The following MLH3 variants were observed in gnomAD, a reference collection of about 807,000 sequenced individuals.
The protein encoded by MLH3 is DNA mismatch repair protein Mlh3.
In MLH3, 82 loss-of-function variants were observed where a neutral mutation model predicts 122.2. That is an observed-to-expected ratio of 0.67 (90% CI 0.56 to 0.81). The LOEUF (loss-of-function observed/expected upper bound fraction) is 0.81, where lower values mean the gene tolerates loss of function less well. MLH3 is among the 30% of genes least tolerant of loss of function. The pLI, the probability that MLH3 is intolerant of heterozygous loss-of-function variation, is 0.00. For synonymous variants in MLH3, 524 were observed against 599.5 expected, an observed-to-expected ratio of 0.87 and a Z score of 1.84; for missense variants, 1,539 against 1,714.5, an observed-to-expected ratio of 0.90 and a Z score of 1.81.
Position 75,046,993 on chromosome 14 carries a change from T to G in MLH3, c.2663A>C (p.Gln888Pro). ...AAAACGACTCATCATCCCCATTGTT[T>G]GAGTTTCTCTTTCGGAACCCTTCAG... ...SRLKGSERET[Q>P]TMGMMSRFNE... Residue 888 changes from glutamine (Q) to proline (P), a missense_variant, in exon 2 of 13, where the codon CAA (glutamine) becomes CCA (proline). Gln to Pro is a moderately conservative substitution (Grantham distance 76). Coordinates refer to ENST00000355774, the MANE Select transcript of MLH3 (RefSeq NM_001040108.2). The G allele has an allele frequency of 1.2e-6, 2 of 1,614,200 alleles. No homozygotes were observed. Among genetic ancestry groups the G allele is most frequent in the Non-Finnish European group, 1.7e-6 (2 of 1,180,026 alleles).
chr14:75,027,664 TAAAAAAA>T (rs56986784), intron 9 of MLH3, among the ~76,000 whole-genome samples: 2 of 30,900 alleles, frequency 6.5e-5, no homozygotes, highest in African/African-American at 2.6e-4. Context: ...TTTACTTCAG[TAAAAAAA>T]AAAAAAAAAA....
chr14:75,023,953 A>G (rs1298068711), intron 9 of MLH3, among the ~76,000 whole-genome samples: 1 of 152,190 alleles, frequency 6.6e-6, no homozygotes, highest in Non-Finnish European at 1.5e-5. Context: ...ATATAATTTA[A>G]AAATCACATG....
At position 75,039,846 on chromosome 14, in the gene MLH3, CATATATATAT is replaced by C. The variant is rs145063005; in HGVS notation, c.3570+55_3570+64del. On this transcript the variant is annotated intron_variant, in intron 5 of 12. Coordinates refer to ENST00000355774, the MANE Select transcript of MLH3 (RefSeq NM_001040108.2). The stretch of plus-strand genomic sequence containing the variant: ...AAATCAAATTTTAGAAGAGTTAGGC[CATATATATAT>C]ATATATATATATATATATATATATA... The C allele has an allele frequency of 2.0e-3, 635 of 322,074 alleles. 5 individuals are homozygous for C. Among genetic ancestry groups the C allele is most frequent in the South Asian group, 9.0e-3 (258 of 28,634 alleles). The allele number at this position is 322,074 out of a possible 1,614,324, so 20.0% of individuals were successfully genotyped here. A position where few individuals can be genotyped will look rare whatever the true frequency, so the allele number is the denominator to read the frequency against.
At chr14:75,043,655 A>C (rs1296165645) in intron 2 of MLH3, among the ~76,000 whole-genome samples, 1 of 152,248 alleles carries the variant, frequency 6.6e-6, no homozygotes, top group African/African-American at 2.4e-5. Context: ...AAGAATGATA[A>C]AATTAAGATA....
At chr14:75,023,233 A>G (rs1890407871) in intron 9 of MLH3, among the ~76,000 whole-genome samples, 1 of 152,216 alleles carries the variant, frequency 6.6e-6, no homozygotes, top group Non-Finnish European at 1.5e-5. Flanking sequence ...AACACAGAAT[A>G]TATTTAGCTA....
intron 2 of MLH3, among the ~76,000 whole-genome samples, chr14:75,043,059 A>G (rs1456939358): frequency 6.6e-6 from 1 of 152,230 alleles, no homozygotes; most frequent in Non-Finnish European, 1.5e-5. Flanking sequence ...TACAGGCGTG[A>G]GCCACTGTGC....
chr14:75,036,189 A>G (rs370011003), intron 6 of MLH3, among the ~76,000 whole-genome samples: 15 of 152,192 alleles, frequency 9.9e-5, no homozygotes, highest in Middle Eastern at 3.4e-3. Context: ...ATTATTCTAG[A>G]TTCAAGACCT....
intron 6 of MLH3, among the ~76,000 whole-genome samples, chr14:75,037,316 A>G (rs1891486824): frequency 6.6e-6 from 1 of 152,196 alleles, no homozygotes; most frequent in African/African-American, 2.4e-5. Flanking sequence ...AAATCTCCCA[A>G]TACAGGTTCT....
At position 75,049,141 on chromosome 14, in the gene MLH3, C is replaced by A. The variant is rs1473747998; in HGVS notation, c.515G>T (p.Arg172Met). The A allele has an allele frequency of 6.2e-7, 1 of 1,614,176 alleles. No individual in the cohort carries two copies. The highest frequency in any genetic ancestry group is 1.3e-5 in the African/African-American group (1 of 75,046). The stretch of plus-strand genomic sequence containing the variant: ...GAGTGAGAGAGCTTCTATTCTCTGC[C>A]TAACCTTCTCAAACTCCAGTCTAGG... The part of the protein sequence containing the change: ...MDPRLEFEKV[R>M]QRIEALSLMH... The change falls in exon 2 of 13, where the codon AGG becomes ATG. Residue 172 changes from arginine to methionine, a missense_variant. Physicochemically the swap from Arg to Met is moderately conservative, Grantham distance 91 (BLOSUM62 -1). Transcript: ENST00000355774.
chr14:75,034,447 C>T (rs1891253326), intron 6 of MLH3, among the ~76,000 whole-genome samples: 8 of 152,148 alleles, frequency 5.3e-5, no homozygotes, highest in African/African-American at 2.4e-5. Context: ...ATATTTTAGG[C>T]TTTTTGGGCC....
At chr14:75,050,696 G>A (rs1214868504) in intron 1 of MLH3, among the ~76,000 whole-genome samples, 7 of 152,134 alleles carry the variant, frequency 4.6e-5, no homozygotes, top group Admixed American at 1.3e-4. Context: ...CACCGCGCCC[G>A]GCCAGAAGGT....
At chr14:75,021,713 T>C (rs930608551) in intron 11 of MLH3, among the ~76,000 whole-genome samples, 3 of 152,288 alleles carry the variant, frequency 2.0e-5, no homozygotes, top group Admixed American at 2.0e-4. Context: ...AACAGAACAC[T>C]TATACACTGC....
intron 8 of MLH3, among the ~76,000 whole-genome samples, chr14:75,031,322 A>G (rs1184439716): frequency 1.3e-5 from 2 of 152,202 alleles, no homozygotes; most frequent in East Asian, 1.9e-4. Flanking sequence ...TCTTCCCATT[A>G]TGATTACGAT....
At chr14:75,035,833 T>C (rs572596158) in intron 6 of MLH3, among the ~76,000 whole-genome samples, 1 of 152,056 alleles carries the variant, frequency 6.6e-6, no homozygotes, top group South Asian at 2.1e-4. Context: ...GCAAATGTGC[T>C]CAAGTTTCTC....
chr14:75,030,479 T>C, intron 9 of MLH3, 64 bp downstream of exon 9: 1 of 1,485,066 alleles, frequency 6.7e-7, no homozygotes, highest in Non-Finnish European at 9.4e-7. Flanking sequence ...TCAGAGAATC[T>C]ACAGACAAAA....
intron 6 of MLH3, among the ~76,000 whole-genome samples, chr14:75,034,893 T>C (rs1387882807): frequency 1.3e-5 from 2 of 151,590 alleles, no homozygotes; most frequent in East Asian, 3.9e-4. Context: ...TGAAACCCTG[T>C]CTCTACTAAA....
In MLH3 at chr14:75,047,357, G is replaced by T; in HGVS notation, c.2299C>A (p.Pro767Thr). The change falls in exon 2 of 13, where the codon CCT becomes ACT. Residue 767 changes from proline (P) to threonine (T), a missense_variant. By Grantham distance (38) the Pro-to-Thr change is conservative. Coordinates refer to ENST00000355774, the MANE Select transcript of MLH3 (RefSeq NM_001040108.2). ...CTTTCCTCTACTTCTGTATCCAGAG[G>T]ATTTTCAACCTTCCCATATTGCCTC... is the stretch of plus-strand genomic sequence containing the variant. Reference protein sequence around the residue: ...FKRQYGKVENPLDTEVEESNG... With the variant: ...FKRQYGKVENTLDTEVEESNG... 6.2e-7 allele frequency: 1 copy of T among 1,614,114 alleles called. No homozygotes were observed. Among genetic ancestry groups the T allele is most frequent in the Non-Finnish European group, 8.5e-7 (1 of 1,180,018 alleles).
At chr14:75,030,462 G>A (rs949688000) in intron 9 of MLH3, 81 bp downstream of exon 9, 1 of 1,373,730 alleles carries the variant, frequency 7.3e-7, no homozygotes, top group Non-Finnish European at 1.0e-6. Context: ...TTGAAGAAAA[G>A]ATGAATTCAG....
At position 75,047,600 on chromosome 14, in the gene MLH3, C is replaced by G; in HGVS notation, c.2056G>C (p.Glu686Gln). 1 of 1,614,054 alleles carries G rather than the reference C, an allele frequency of 6.2e-7. No homozygotes were observed. The highest frequency in any genetic ancestry group is 1.3e-5 in the African/African-American group (1 of 75,044). ...AACATTGTATAAGTTGCTGTAGGTT[C>G]ATTCTCTAGCCCATAACTTATATTC... ...RTNISYGLENEPTATYTMFSA... is the reference protein window; with the variant it reads ...RTNISYGLENQPTATYTMFSA... The change falls in exon 2 of 13, where the codon GAA (glutamate) becomes CAA (glutamine). Residue 686 changes from glutamate to glutamine, a missense_variant. Physicochemically the swap from Glu to Gln is conservative, Grantham distance 29 (BLOSUM62 2). Transcript: ENST00000355774.
Sources: gnomAD v4.1 joint callset for allele counts (sites outside exome capture counted in the v4.1 genomes callset) on GRCh38, gnomAD v4.1.1 for gene constraint, MANE v1.5 for transcripts, NCBI Gene and HGNC (gene_info 2026-07-23, HGNC 2026-07-21) for gene names.